Variants in SRGAP2C observed in about 807,000 individuals in gnomAD.
SRGAP2C encodes the protein SLIT-ROBO Rho GTPase activating protein 2C, also known as SLIT-ROBO Rho GTPase-activating protein 2C.
Under a neutral mutation model 25.1 loss-of-function variants are expected in SRGAP2C, and 15 were observed. The ratio of observed to expected loss-of-function variants is 0.60; its 90% CI spans 0.40 to 0.92. The LOEUF (loss-of-function observed/expected upper bound fraction) is 0.92. Ranked by LOEUF, SRGAP2C falls within the 40% of genes least tolerant of loss-of-function variation. The pLI, the probability that SRGAP2C is intolerant of heterozygous loss-of-function variation, is 0.00. For missense variants in SRGAP2C, 144 were observed against 264.4 expected (o/e 0.54, Z 3.16); for synonymous variants, 44 against 96.6 (o/e 0.46, Z 3.19).
In SRGAP2C at chr1:121,204,544, G is replaced by A. The variant is rs1435782960; in HGVS notation, c.67+17031G>A. On this transcript the variant is annotated intron_variant, in intron 2 of 9. Transcript: ENST00000367123. ...CAAAGTGCTGGGATTACAGGCGTGAGCCACCGTGCCCGGCCTCAGAGTAGT... is the reference window on the plus strand; with the variant it reads ...CAAAGTGCTGGGATTACAGGCGTGAACCACCGTGCCCGGCCTCAGAGTAGT... Among the ~76,000 whole-genome samples the A allele has an allele frequency of 5.9e-5, 9 of 151,954 alleles. No individual in the cohort carries two copies. In the East Asian group the frequency reaches 1.8e-3, roughly 30 times the overall value.
intron 4 of SRGAP2C, among the ~76,000 whole-genome samples, chr1:121,352,082 TGTA>T (rs1400654276): frequency 1.3e-4 from 1 of 7,890 alleles, no homozygotes; most frequent in East Asian, 1.8e-3. Context: ...TTGTGTACCT[TGTA>T]GTGGTGAATT....
intron 2 of SRGAP2C, among the ~76,000 whole-genome samples, chr1:121,254,484 TAGAC>T (rs587721402): frequency 4.4e-4 from 55 of 125,858 alleles, no homozygotes; most frequent in South Asian, 7.7e-4. Context: ...ATGTTTATCA[TAGAC>T]AGTTTGGAAA....
chr1:121,350,606 T>G (rs1658877403), intron 4 of SRGAP2C, among the ~76,000 whole-genome samples: 1 of 151,886 alleles, frequency 6.6e-6, no homozygotes, highest in Non-Finnish European at 1.5e-5. Flanking sequence ...TCAAAATGGA[T>G]CAAAGGCATA....
chr1:121,360,026 G>T (rs1659154547), intron 4 of SRGAP2C: 2 of 151,778 alleles, frequency 1.3e-5, no homozygotes, highest in East Asian at 1.9e-4. Flanking sequence ...ACCAATCAGT[G>T]CTCTGTGTCT....
At chr1:121,233,139 T>G (rs1395977721) in intron 2 of SRGAP2C, among the ~76,000 whole-genome samples, 1 of 140,040 alleles carries the variant, frequency 7.1e-6, no homozygotes, top group Admixed American at 7.1e-5. Flanking sequence ...GATCTCCCCC[T>G]TGGTTCTTTT....
chr1:121,189,204 A>G (rs1450049069), intron 2 of SRGAP2C, among the ~76,000 whole-genome samples: 2 of 17,658 alleles, frequency 1.1e-4, no homozygotes, highest in Non-Finnish European at 1.7e-4. Context: ...GAAGCACGCC[A>G]TTTGACTAAG....
chr1:121,202,538 C>T (rs1333625601), intron 2 of SRGAP2C, among the ~76,000 whole-genome samples: 1 of 147,376 alleles, frequency 6.8e-6, no homozygotes, highest in Non-Finnish European at 1.5e-5. Flanking sequence ...AAGTGATTCT[C>T]CTGCCTCAGC....
chr1:121,358,828 G>A (rs1285583111), intron 4 of SRGAP2C, among the ~76,000 whole-genome samples: 1 of 36,890 alleles, frequency 2.7e-5, no homozygotes, highest in Non-Finnish European at 5.2e-5. Context: ...GTGGAATTAG[G>A]TTATGGTGTG....
In SRGAP2C at chr1:121,324,530, C is replaced by T; in HGVS notation, c.313C>T (p.Gln105Ter). 1.2e-6 allele frequency: 2 copies of T among 1,613,528 alleles called. No individual in the cohort carries two copies. The highest frequency in any genetic ancestry group is 1.1e-5 in the South Asian group (1 of 91,072). ...CAACTGCTGGAATCTCCTCTTAAACCAGGTGAAGTGGGAAAGCAGGGACCA... is the reference window on the plus strand; with the variant it reads ...CAACTGCTGGAATCTCCTCTTAAACTAGGTGAAGTGGGAAAGCAGGGACCA... ...PVNCWNLLLN[Q>*]VKWESRDHTT... The change falls in exon 4 of 10, where the codon CAG becomes TAG. Residue 105 changes from glutamine to a stop codon, truncating the protein, a stop_gained. Transcript: ENST00000367123. LOFTEE classifies it high-confidence loss of function.
intron 5 of SRGAP2C, among the ~76,000 whole-genome samples, chr1:121,366,328 G>A (rs1386770817): frequency 8.5e-6 from 1 of 118,322 alleles, no homozygotes; most frequent in Non-Finnish European, 1.8e-5. Flanking sequence ...GTGATGACAT[G>A]CATGACAGGC....
At chr1:121,201,062 GT>G (rs1314746849) in intron 2 of SRGAP2C, among the ~76,000 whole-genome samples, 1 of 107,376 alleles carries the variant, frequency 9.3e-6, no homozygotes, top group East Asian at 2.7e-4. Flanking sequence ...CTTCTTAAAG[GT>G]TTCATCTTTA....
chr1:121,229,989 CT>C (rs1223022361), intron 2 of SRGAP2C, among the ~76,000 whole-genome samples: 2 of 142,754 alleles, frequency 1.4e-5, no homozygotes, highest in African/African-American at 5.2e-5. Flanking sequence ...AACTGCAGAT[CT>C]TTTGGCTTTG....
intron 2 of SRGAP2C, among the ~76,000 whole-genome samples, chr1:121,277,337 C>A (rs1369059787): frequency 6.6e-5 from 10 of 151,952 alleles, no homozygotes; most frequent in Non-Finnish European, 1.2e-4. Flanking sequence ...TATCCATTAC[C>A]GCCCCTTTGC....
At chr1:121,277,331 C>A (rs1657128319) in intron 2 of SRGAP2C, among the ~76,000 whole-genome samples, 1 of 151,968 alleles carries the variant, frequency 6.6e-6, no homozygotes, top group Non-Finnish European at 1.5e-5. Flanking sequence ...TCACTTTATC[C>A]ATTACCGCCC....
intron 3 of SRGAP2C, among the ~76,000 whole-genome samples, chr1:121,322,796 G>T (rs1443556152): frequency 4.6e-5 from 7 of 151,686 alleles, no homozygotes; most frequent in African/African-American, 1.7e-4. Context: ...AGCCTTCTAA[G>T]TTGAACTTCA....
chr1:121,324,477 G>A lies in SRGAP2C; in HGVS notation c.261-1G>A, dbSNP rs1346879343. 1.2e-6 allele frequency: 2 copies of A among 1,612,220 alleles called. No individual in the cohort carries two copies. Among genetic ancestry groups the A allele is most frequent in the Middle Eastern group, 1.7e-4 (1 of 6,048 alleles). ...TTCTTTTCCTTGATGTTTCTTCACA[G>A]GAAGGATCAGAATGTTCTCTCTCCA... On this transcript the variant is annotated splice_acceptor_variant, in intron 3 of 9. Transcript: ENST00000367123. LOFTEE classifies it high-confidence loss of function.
intron 3 of SRGAP2C, among the ~76,000 whole-genome samples, chr1:121,286,045 G>A (rs1472216121): frequency 6.4e-4 from 97 of 152,192 alleles, no homozygotes; most frequent in Admixed American, 1.6e-3. Flanking sequence ...ACAAATTTCC[G>A]TTGGGTTGCA....
At chr1:121,238,741 G>T (rs1326747684) in intron 2 of SRGAP2C, among the ~76,000 whole-genome samples, 1 of 149,514 alleles carries the variant, frequency 6.7e-6, no homozygotes, top group Admixed American at 6.6e-5. Flanking sequence ...AGCCTGTTAA[G>T]TAGCAGGGAC....
chr1:121,362,359 G>T (rs587706500), intron 4 of SRGAP2C, among the ~76,000 whole-genome samples: 24 of 150,550 alleles, frequency 1.6e-4, no homozygotes, highest in African/African-American at 5.4e-4. Context: ...TCAGCCAGAG[G>T]GAGCAGTAAG....
Sources: gnomAD v4.1 joint callset for allele counts (sites outside exome capture counted in the v4.1 genomes callset) on GRCh38, gnomAD v4.1.1 for gene constraint, MANE v1.5 for transcripts, NCBI Gene and HGNC (gene_info 2026-07-23, HGNC 2026-07-21) for gene names.